The following LY9 variants were observed in gnomAD, a reference collection of about 807,000 sequenced individuals.
LY9 encodes T-lymphocyte surface antigen Ly-9.
LY9 carries 59 observed loss-of-function variants against 64.6 expected under a neutral mutation model. The observed-to-expected ratio is 0.91, with a 90% CI of 0.74 to 1.13. The LOEUF is 1.13. LY9 is among the 50% of genes most tolerant of loss of function. LY9 has a pLI of 0.00. For synonymous variants in LY9, 281 were observed against 308.5 expected, an observed-to-expected ratio of 0.91 and a Z score of 0.93; for missense variants, 789 against 797.2, an observed-to-expected ratio of 0.99 and a Z score of 0.12.
At chr1:160,801,966 A>G in intron 2 of LY9, 1 of 1,597,688 alleles carries the variant, frequency 6.3e-7, no homozygotes, top group Non-Finnish European at 8.5e-7. Flanking sequence ...TCCCCACCTC[A>G]CCGCCGCGCA....
At chr1:160,814,049 A>G in intron 3 of LY9, 138 bp downstream of exon 3, 1 of 879,208 alleles carries the variant, frequency 1.1e-6, no homozygotes, top group Non-Finnish European at 1.7e-6. Flanking sequence ...CTTATTCTCT[A>G]CTCTCAGGGA....
chr1:160,804,528 A>C (rs558945218), intron 2 of LY9, among the ~76,000 whole-genome samples: 1 of 151,842 alleles, frequency 6.6e-6, no homozygotes, highest in African/African-American at 2.4e-5. Flanking sequence ...GTTCATCAGG[A>C]ATATTGGCCT....
Position 160,814,504 on chromosome 1 carries a change from C to A in LY9, c.815C>A (p.Pro272Gln), listed in dbSNP as rs780590513. 1.2e-6 allele frequency: 2 copies of A among 1,614,140 alleles called. No homozygotes were observed. Among genetic ancestry groups the A allele is most frequent in the South Asian group, 1.1e-5 (1 of 91,084 alleles). The change falls in exon 4 of 10, where the codon CCA (proline) becomes CAA (glutamine). Residue 272 changes from proline to glutamine, a missense_variant. Coordinates refer to ENST00000263285, the MANE Select transcript of LY9 (RefSeq NM_002348.4). The stretch of plus-strand genomic sequence containing the variant: ...CCAGTCACCCTGCCACTTGCACTCC[C>A]AGCCTGCCGGGACACAGAGAAGGTT... ...GEPVTLPLAL[P>Q]ACRDTEKVVW...
intron 1 of LY9, among the ~76,000 whole-genome samples, chr1:160,798,211 C>T (rs988883406): frequency 4.6e-5 from 7 of 151,986 alleles, no homozygotes; most frequent in African/African-American, 7.3e-5. Context: ...GAAGTCAAAA[C>T]GAGTCATATG....
At chr1:160,815,618 C>T (rs1485319114) in intron 4 of LY9, among the ~76,000 whole-genome samples, 1 of 152,186 alleles carries the variant, frequency 6.6e-6, no homozygotes, top group African/African-American at 2.4e-5. Flanking sequence ...AACTCCTGAC[C>T]TCAGGTGATC....
chr1:160,813,359 C>T, intron 2 of LY9: 1 of 459,214 alleles, frequency 2.2e-6, no homozygotes, highest in South Asian at 3.5e-5. Flanking sequence ...ACACAGGAAT[C>T]AGCCCTGTCA....
At chr1:160,810,181 C>T (rs566076434) in intron 2 of LY9, 1 of 152,212 alleles carries the variant, frequency 6.6e-6, no homozygotes, top group Non-Finnish European at 1.5e-5. Context: ...GTCTAGCCAT[C>T]TTTTCATGTA....
At position 160,819,321 on chromosome 1, in the gene LY9, G is replaced by A. The variant is rs752378146; in HGVS notation, c.1445G>A (p.Cys482Tyr). The change falls in exon 7 of 10, where the codon TGT becomes TAT. Residue 482 changes from cysteine to tyrosine, a missense_variant and splice_region_variant. Coordinates refer to ENST00000263285, the MANE Select transcript of LY9 (RefSeq NM_002348.4). ...SWCIWKRKGRCSVPAFCSSQA... is the reference protein window; with the variant it reads ...SWCIWKRKGRYSVPAFCSSQA... ...AACCTTCTCTAACTTTGTTTCTCAG[G>A]TTCAGTCCCAGCCTTCTGTTCCAGC... is the stretch of plus-strand genomic sequence containing the variant. 7 of 1,613,076 alleles carry A rather than the reference G, an allele frequency of 4.3e-6. No individual in the cohort carries two copies. The East Asian group carries it at 1.1e-4, about 26-fold the overall frequency.
chr1:160,821,151 T>TAAAAAAA (rs373539992), intron 7 of LY9, among the ~76,000 whole-genome samples: 2,001 of 104,952 alleles, frequency 0.019, 75 homozygotes, highest in Non-Finnish European at 0.021. Flanking sequence ...GAAACTTTGC[T>TAAAAAAA]AAAAAAAAAA....
intron 2 of LY9, among the ~76,000 whole-genome samples, chr1:160,804,999 T>G (rs1266819226): frequency 2.0e-5 from 3 of 152,152 alleles, no homozygotes; most frequent in African/African-American, 4.8e-5. Context: ...CTTCTTTTCT[T>G]AATTAGCCTA....
intron 6 of LY9, 86 bp downstream of exon 6, chr1:160,818,405 G>A (rs1377375251): frequency 1.9e-5 from 18 of 934,954 alleles, no homozygotes; most frequent in Non-Finnish European, 2.6e-5. Context: ...ACACAATCCC[G>A]TGCTACCCCT....
chr1:160,812,622 A>C (rs1016001673), intron 2 of LY9: 8 of 152,234 alleles, frequency 5.3e-5, no homozygotes, highest in Admixed American at 5.2e-4. Flanking sequence ...ATCTGTCTAT[A>C]TCTAGAATAC....
At chr1:160,808,702 C>A (rs1189349098) in intron 2 of LY9, among the ~76,000 whole-genome samples, 1 of 152,200 alleles carries the variant, frequency 6.6e-6, no homozygotes, top group Non-Finnish European at 1.5e-5. Context: ...CTGTTGAATT[C>A]CAGCATTCTC....
intron 2 of LY9, among the ~76,000 whole-genome samples, chr1:160,805,741 TCACACACACACACA>T (rs60721619): frequency 3.1e-4 from 43 of 140,698 alleles, no homozygotes; most frequent in African/African-American, 1.0e-3. Flanking sequence ...TCTCTCTGTC[TCACACACACACACA>T]CACACACACA....
intron 2 of LY9, chr1:160,811,719 A>C (rs1667489911): frequency 6.6e-6 from 1 of 152,226 alleles, no homozygotes; most frequent in African/African-American, 2.4e-5. Flanking sequence ...TTTCTGTCTG[A>C]GACCTCACCA....
At chr1:160,820,857 T>A (rs951604665) in intron 7 of LY9, among the ~76,000 whole-genome samples, 2 of 150,774 alleles carry the variant, frequency 1.3e-5, no homozygotes, top group African/African-American at 4.9e-5. Flanking sequence ...TTTTTTTTTT[T>A]AATTCAAAAG....
At chr1:160,810,760 A>C (rs1667411155) in intron 2 of LY9, 1 of 152,150 alleles carries the variant, frequency 6.6e-6, no homozygotes, top group Non-Finnish European at 1.5e-5. Flanking sequence ...AATCCATCTA[A>C]ATATTATTTA....
chr1:160,813,719 G>A lies in LY9; in HGVS notation c.538G>A (p.Val180Met), dbSNP rs568376272. 1.2e-5 allele frequency: 19 copies of A among 1,614,182 alleles called. No homozygotes were observed. Among genetic ancestry groups the A allele is most frequent in the South Asian group, 6.6e-5 (6 of 91,088 alleles). The part of the protein sequence containing the change: ...FSCNITLMCS[V>M]KGAEKSVLYS... Reference sequence around the variant, plus strand: ...CTGTAACATCACTCTAATGTGCTCCGTGAAGGGGGCAGAGAAAAGTGTTCT... The same window carrying A: ...CTGTAACATCACTCTAATGTGCTCCATGAAGGGGGCAGAGAAAAGTGTTCT... Residue 180 changes from valine (V) to methionine (M), a missense_variant, in exon 3 of 10, where the codon GTG becomes ATG. Transcript: ENST00000263285.
Position 160,803,069 on chromosome 1 carries a change from G to A in LY9, c.454+2987G>A, listed in dbSNP as rs549975595. Among the ~76,000 whole-genome samples the A allele has an allele frequency of 3.3e-5, 5 of 152,176 alleles. No individual in the cohort carries two copies. The East Asian group carries it at 9.6e-4, about 29-fold the overall frequency. On this transcript the variant is annotated intron_variant, in intron 2 of 9. Transcript: ENST00000263285. Reference sequence around the variant, plus strand: ...GGCTGAGGCAGGCAGATCTCTTGAGGTCAGGAGTTCGAGACCAGACTGGCT... The same window carrying A: ...GGCTGAGGCAGGCAGATCTCTTGAGATCAGGAGTTCGAGACCAGACTGGCT...
Sources: gnomAD v4.1 joint callset for allele counts (sites outside exome capture counted in the v4.1 genomes callset) on GRCh38, gnomAD v4.1.1 for gene constraint, MANE v1.5 for transcripts, NCBI Gene and HGNC (gene_info 2026-07-23, HGNC 2026-07-21) for gene names.